CEP350: variants seen among roughly 807,000 people sequenced by gnomAD.
CEP350 encodes centrosome-associated protein 350.
CEP350 carries 126 observed loss-of-function variants against 331.8 expected under a neutral mutation model. That is an observed-to-expected ratio of 0.38 (90% CI 0.33 to 0.44). The LOEUF is 0.44. CEP350 is among the 20% of genes least tolerant of loss of function. CEP350 has a pLI of 1.00. For synonymous variants in CEP350, 1,200 were observed against 1,259.5 expected, an observed-to-expected ratio of 0.95 and a Z score of 1.00; for missense variants, 3,406 against 3,634.6, an observed-to-expected ratio of 0.94 and a Z score of 1.62.
At chr1:180,094,967 C>G (rs1660398027) in intron 34 of CEP350, among the ~76,000 whole-genome samples, 1 of 152,204 alleles carries the variant, frequency 6.6e-6, no homozygotes, top group Non-Finnish European at 1.5e-5. Context: ...CAAATTCGTT[C>G]CATGGAGCTT....
chr1:180,026,562 C>T (rs534343658), intron 14 of CEP350, among the ~76,000 whole-genome samples: 2 of 152,308 alleles, frequency 1.3e-5, no homozygotes, highest in Admixed American at 1.3e-4. Flanking sequence ...CACCACTGTC[C>T]TTCTCCAGAA....
intron 22 of CEP350, chr1:180,052,076 T>C: frequency 3.2e-6 from 1 of 311,260 alleles, no homozygotes; most frequent in Non-Finnish European, 6.3e-6. Flanking sequence ...ATTGTATGCG[T>C]AACTATGTGC....
At chr1:180,004,850 G>A (rs1366508222) in intron 7 of CEP350, among the ~76,000 whole-genome samples, 1 of 151,870 alleles carries the variant, frequency 6.6e-6, no homozygotes, top group African/African-American at 2.4e-5. Context: ...TCAGTCCTCA[G>A]AGCTTGGGCA....
chr1:179,992,574 T>C (rs60065834), intron 5 of CEP350, among the ~76,000 whole-genome samples: 2,554 of 152,296 alleles, frequency 0.017, 73 homozygotes, highest in African/African-American at 0.058. Context: ...ATTTATTTTA[T>C]ATAGTGAACT....
At chr1:180,104,427 C>T (rs1661027282) in intron 37 of CEP350, among the ~76,000 whole-genome samples, 1 of 151,964 alleles carries the variant, frequency 6.6e-6, no homozygotes, top group South Asian at 2.1e-4. Context: ...TGCTTAGGAT[C>T]TCTAGTTTTA....
intron 27 of CEP350, among the ~76,000 whole-genome samples, chr1:180,069,271 T>G (rs1257252210): frequency 6.6e-6 from 1 of 152,196 alleles, no homozygotes; most frequent in African/African-American, 2.4e-5. Context: ...TTTTAAATGA[T>G]TGATCAAAAA....
At chr1:180,013,807 A>G (rs1478744825) in intron 9 of CEP350, 40 bp from the exon 10 acceptor site, 2 of 1,514,580 alleles carry the variant, frequency 1.3e-6, no homozygotes, top group Non-Finnish European at 1.8e-6. Context: ...AGGAATGAGT[A>G]TAGAATTTCG....
At position 180,095,771 on chromosome 1, in the gene CEP350, A is replaced by G. The variant is rs765791690; in HGVS notation, c.8760A>G (p.Ala2920=). Residue 2920 remains alanine, a synonymous_variant, in exon 35 of 38, where the codon GCA becomes GCG. Coordinates refer to ENST00000367607, the MANE Select transcript of CEP350 (RefSeq NM_014810.5). ...CETLLAVPHT[A]EEVEILVHNA... ...CATTATTGGCAGTCCCCCATACTGC[A>G]GAAGAAGTAGAGATTCTTGTACATA... 5 of 1,614,020 alleles carry G rather than the reference A, an allele frequency of 3.1e-6. No individual in the cohort carries two copies. Among genetic ancestry groups the G allele is most frequent in the South Asian group, 2.2e-5 (2 of 91,076 alleles).
At chr1:179,964,348 G>A (rs969995080) in intron 1 of CEP350, among the ~76,000 whole-genome samples, 2 of 151,940 alleles carry the variant, frequency 1.3e-5, no homozygotes, top group Non-Finnish European at 2.9e-5. Flanking sequence ...AATAGGAGTC[G>A]TAAGAGTGCA....
At chr1:180,016,910 A>G (rs1001426491) in intron 11 of CEP350, among the ~76,000 whole-genome samples, 58 of 151,596 alleles carry the variant, frequency 3.8e-4, no homozygotes, top group African/African-American at 1.4e-3. Flanking sequence ...TGATCCACCC[A>G]CCTCAGCCTC....
chr1:180,109,793 G>A (rs1558166998), intron 37 of CEP350, among the ~76,000 whole-genome samples: 1 of 152,090 alleles, frequency 6.6e-6, no homozygotes, highest in East Asian at 1.9e-4. Context: ...GTGCCACCAT[G>A]CCTGGCAGAT....
intron 1 of CEP350, among the ~76,000 whole-genome samples, chr1:179,972,960 G>A (rs1204394175): frequency 1.3e-5 from 2 of 148,584 alleles, no homozygotes; most frequent in Non-Finnish European, 3.0e-5. Context: ...CTCCGCCTCC[G>A]GGGTTCACGC....
In CEP350 at chr1:180,058,158, A is replaced by G. The variant is rs549827805; in HGVS notation, c.5262+3656A>G. On this transcript the variant is annotated intron_variant, in intron 25 of 37. Transcript: ENST00000367607. The stretch of plus-strand genomic sequence containing the variant: ...AGCTTTCACATATGTTCAAGGGAAA[A>G]TGAAAACAACTTAATTTCTTCAATA... Among the ~76,000 whole-genome samples, 5 of 152,358 alleles carry G rather than the reference A, an allele frequency of 3.3e-5. No individual in the cohort carries two copies. In the South Asian group the frequency reaches 6.2e-4, roughly 19 times the overall value.
chr1:180,036,709 A>G (rs1217285998), intron 16 of CEP350, among the ~76,000 whole-genome samples: 1 of 152,206 alleles, frequency 6.6e-6, no homozygotes, highest in Non-Finnish European at 1.5e-5. Flanking sequence ...TGCACTGGTA[A>G]ACCAAAAAAT....
rs1239431269 is a variant in CEP350, at chr1:180,111,441, C to G, written c.*280C>G. On this transcript the variant is annotated 3_prime_UTR_variant, in exon 38 of 38. Transcript: ENST00000367607. Reference sequence around the variant, plus strand: ...ACACCCCTACTAGGTCCCAGAGGGCCAGAAACACCTGACTTACCTCTGAGT... The same window carrying G: ...ACACCCCTACTAGGTCCCAGAGGGCGAGAAACACCTGACTTACCTCTGAGT... 3.8e-6 allele frequency: 1 copy of G among 259,930 alleles called. No individual in the cohort carries two copies. The highest frequency in any genetic ancestry group is 1.2e-4 in the South Asian group (1 of 8,418). 16.1% of individuals were successfully genotyped at this position (259,930 alleles called of 1,614,324 possible). A position where few individuals can be genotyped will look rare whatever the true frequency, so the allele number is the denominator to read the frequency against.
At chr1:180,051,130 G>C (rs888092752) in intron 22 of CEP350, among the ~76,000 whole-genome samples, 1 of 152,184 alleles carries the variant, frequency 6.6e-6, no homozygotes, top group African/African-American at 2.4e-5. Flanking sequence ...AAGCAACCAA[G>C]ATGTCCTTTA....
intron 14 of CEP350, 76 bp downstream of exon 14, chr1:180,024,658 T>G (rs4622030): frequency 3.9e-5 from 57 of 1,446,972 alleles, no homozygotes; most frequent in Non-Finnish European, 5.1e-5. Context: ...ATGATTTGAT[T>G]GCATAAGAAG....
intron 6 of CEP350, among the ~76,000 whole-genome samples, chr1:179,999,406 ACTTTGAAAAAGGT>A (rs930561634): frequency 6.6e-6 from 1 of 152,052 alleles, no homozygotes; most frequent in African/African-American, 2.4e-5. Context: ...TGGAGGGGTT[ACTTTGAAAAAGGT>A]AGCAAACATT....
chr1:180,081,011 C>T (rs2149085656), intron 30 of CEP350, among the ~76,000 whole-genome samples: 1 of 151,934 alleles, frequency 6.6e-6, no homozygotes, highest in African/African-American at 2.4e-5. Flanking sequence ...AGGCACCCGC[C>T]ACCACGCCTG....
Sources: allele counts gnomAD v4.1 joint callset (sites outside exome capture counted in the v4.1 genomes callset), GRCh38; gene constraint gnomAD v4.1.1; transcripts MANE v1.5; gene names NCBI Gene and HGNC (gene_info 2026-07-23, HGNC 2026-07-21).